The following DMD variants were observed in gnomAD, a reference collection of about 807,000 sequenced individuals.
DMD encodes the protein dystrophin, also known as mutant dystrophin.
DMD carries 63 observed loss-of-function variants against 330.1 expected under a neutral mutation model. That is an observed-to-expected ratio of 0.19 (90% confidence interval 0.16 to 0.24). The LOEUF (loss-of-function observed/expected upper bound fraction) is 0.24. Ranked by LOEUF, DMD falls within the 10% of genes least tolerant of loss-of-function variation. The pLI is 1.00. For missense variants in DMD, 3,344 were observed against 2,684.1 expected (o/e 1.25, Z -5.43); for synonymous variants, 1,223 against 959.8 (o/e 1.27, Z -5.07).
At chrX:31,163,788 G>T (rs985887528) in intron 74 of DMD, among the ~76,000 whole-genome samples, 1 of 111,614 alleles carries the variant, frequency 9.0e-6, no homozygotes, top group African/African-American at 3.3e-5. Flanking sequence ...CCCAAGCTCT[G>T]CCCTCCTCTT....
intron 4 of DMD, among the ~76,000 whole-genome samples, chrX:32,831,687 T>C (rs1036602651): frequency 7.3e-5 from 5 of 68,716 alleles, no homozygotes; most frequent in African/African-American, 2.3e-4. Flanking sequence ...TGTGTGTGTG[T>C]GTGTGTGTGT....
Position 31,146,349 on chromosome X carries a change from G to A in DMD, c.10863C>T (p.Ser3621=), listed in dbSNP as rs398123847. ...VSSPSTSLQR[S]DSSQPMLLRV... is the part of the protein sequence containing the mutation. ...GGAGCAGCATAGGCTGACTGCTGTC[G>A]GACCTCTGTAGAGAGGTAGAAGGAG... is the stretch of plus-strand genomic sequence containing the variant. The change falls in exon 76 of 79, where the codon TCC becomes TCT. Residue 3621 remains serine, a synonymous_variant. Transcript: ENST00000357033. 159 of 1,208,216 alleles carry A rather than the reference G, an allele frequency of 1.3e-4. No homozygotes were observed. The highest frequency in any genetic ancestry group is 1.7e-4 in the Non-Finnish European group (154 of 893,665).
chrX:33,005,972 T>C (rs888786355), intron 2 of DMD, among the ~76,000 whole-genome samples: 3 of 111,368 alleles, frequency 2.7e-5, no homozygotes, highest in Non-Finnish European at 5.7e-5. Context: ...CAAGTGGAAT[T>C]TGAAATGTAA....
intron 44 of DMD, among the ~76,000 whole-genome samples, chrX:32,129,573 TTC>T (rs933111113): frequency 6.3e-5 from 7 of 110,875 alleles, no homozygotes; most frequent in Non-Finnish European, 1.3e-4. Context: ...GAAAGAGTTA[TTC>T]TCACCAATAA....
chrX:32,952,807 A>T (rs896407694), intron 2 of DMD, among the ~76,000 whole-genome samples: 2 of 110,842 alleles, frequency 1.8e-5, no homozygotes, highest in African/African-American at 6.6e-5. Context: ...GAAAGTTCAC[A>T]TTACTACCTT....
chrX:32,599,639 T>C (rs1023557681), intron 12 of DMD, among the ~76,000 whole-genome samples: 19 of 111,705 alleles, frequency 1.7e-4, no homozygotes, highest in African/African-American at 6.1e-4. Flanking sequence ...TGTTTGTCTG[T>C]CAGAAAATAA....
intron 54 of DMD, among the ~76,000 whole-genome samples, chrX:31,637,691 C>T (rs1244572569): frequency 1.8e-5 from 2 of 110,916 alleles, no homozygotes; most frequent in African/African-American, 6.5e-5. Context: ...GCCATAGGCT[C>T]TTGTTCTTAA....
intron 1 of DMD, among the ~76,000 whole-genome samples, chrX:33,209,671 T>C (rs770158493): frequency 8.7e-4 from 97 of 111,441 alleles, no homozygotes; most frequent in African/African-American, 3.0e-3. Context: ...ATCTCCGTTT[T>C]TTCTTACCAA....
rs143101395 is a variant in DMD, at chrX:33,164,665, T to G, written c.31+46617A>C. ...AAATAAAGTAGAACACATCAGAAAA[T>G]AAGTGGTCTGATAAACAATTTACCA... On this transcript the variant is annotated intron_variant, in intron 1 of 78. Transcript: ENST00000357033. Among the ~76,000 whole-genome samples, 167 of 111,335 alleles carry G rather than the reference T, an allele frequency of 1.5e-3. 1 individual carries two copies. Among genetic ancestry groups the G allele is most frequent in the African/African-American group, 5.1e-3 (158 of 30,683 alleles).
intron 1 of DMD, among the ~76,000 whole-genome samples, chrX:33,173,676 A>T (rs60595047): frequency 0.011 from 1,272 of 111,334 alleles, 15 homozygotes; most frequent in African/African-American, 0.039. Context: ...TTATTACTGG[A>T]ATTCTCAGAA....
chrX:32,842,211 A>G (rs2080222478), intron 4 of DMD, among the ~76,000 whole-genome samples: 1 of 111,990 alleles, frequency 8.9e-6, no homozygotes, highest in African/African-American at 3.2e-5. Context: ...CAATCAGCGA[A>G]ACGGACAATG....
chrX:32,590,243 T>G, intron 13 of DMD, among the ~76,000 whole-genome samples: 1 of 112,580 alleles, frequency 8.9e-6, no homozygotes, highest in Non-Finnish European at 1.9e-5. Flanking sequence ...TAAATATGTT[T>G]ATTAACTGCA....
At chrX:31,943,726 AT>A (rs2095037886) in intron 45 of DMD, among the ~76,000 whole-genome samples, 1 of 110,488 alleles carries the variant, frequency 9.1e-6, no homozygotes. Context: ...CTTTATGGTG[AT>A]TTTTATTACT....
intron 12 of DMD, among the ~76,000 whole-genome samples, chrX:32,607,563 G>A (rs977109324): frequency 9.1e-6 from 1 of 110,005 alleles, no homozygotes; most frequent in African/African-American, 3.3e-5. Context: ...TAGAAATTCT[G>A]TTCATAACAG....
At chrX:31,673,325 G>A (rs1019663977) in intron 53 of DMD, among the ~76,000 whole-genome samples, 7 of 112,252 alleles carry the variant, frequency 6.2e-5, no homozygotes, top group African/African-American at 1.9e-4. Context: ...CAGAAAAGGC[G>A]ATGTGGGGCC....
chrX:31,285,468 C>A (rs2053130146), intron 62 of DMD, among the ~76,000 whole-genome samples: 1 of 112,189 alleles, frequency 8.9e-6, no homozygotes, highest in Admixed American at 9.4e-5. Context: ...GCTCCCAAAT[C>A]TGACTATTTA....
At chrX:33,178,583 G>T (rs998093288) in intron 1 of DMD, among the ~76,000 whole-genome samples, 3 of 112,356 alleles carry the variant, frequency 2.7e-5, no homozygotes, top group Non-Finnish European at 5.6e-5. Context: ...CTGAAAAAGT[G>T]CATTGTCAAA....
At chrX:33,143,323 C>G (rs1316904867) in intron 1 of DMD, among the ~76,000 whole-genome samples, 1 of 110,783 alleles carries the variant, frequency 9.0e-6, no homozygotes, top group Non-Finnish European at 1.9e-5. Context: ...ATCTCAGAAA[C>G]TGTGCTTAAT....
chrX:32,478,354 T>A (rs1250839682), intron 21 of DMD, among the ~76,000 whole-genome samples: 1 of 111,641 alleles, frequency 9.0e-6, no homozygotes, highest in African/African-American at 3.3e-5. Context: ...GCCAACCAGA[T>A]CCCACCTTTT....
Sources: allele counts gnomAD v4.1 joint callset (sites outside exome capture counted in the v4.1 genomes callset), GRCh38; gene constraint gnomAD v4.1.1; transcripts MANE v1.5; gene names NCBI Gene and HGNC (gene_info 2026-07-23, HGNC 2026-07-21).